Variants in ST6GAL1 observed in about 807,000 individuals in gnomAD.
ST6GAL1 encodes the protein beta-galactoside alpha-2,6-sialyltransferase 1.
A neutral mutation model predicts 38.0 loss-of-function variants in ST6GAL1; 20 were observed. The ratio of observed to expected loss-of-function variants is 0.53; its 90% CI spans 0.37 to 0.77. The LOEUF (loss-of-function observed/expected upper bound fraction) is 0.77, where lower values mean the gene tolerates loss of function less well. ST6GAL1 is among the 30% of genes least tolerant of loss of function. The probability of loss-of-function intolerance (pLI) is 0.00; values close to 1 mark genes in which losing one functional copy is unlikely to be tolerated. For synonymous variants in ST6GAL1, 196 were observed against 188.2 expected, an observed-to-expected ratio of 1.04 and a Z score of -0.34; for missense variants, 432 against 496.4, an observed-to-expected ratio of 0.87 and a Z score of 1.23.
intron 2 of ST6GAL1, among the ~76,000 whole-genome samples, chr3:187,022,619 T>C (rs542930088): frequency 1.3e-5 from 2 of 152,256 alleles, no homozygotes; most frequent in Admixed American, 6.5e-5. Context: ...GAATCTCTCC[T>C]AGATCTGGGA....
chr3:186,988,673 G>A (rs1050597542), intron 2 of ST6GAL1, among the ~76,000 whole-genome samples: 4 of 152,028 alleles, frequency 2.6e-5, no homozygotes, highest in Non-Finnish European at 5.9e-5. Context: ...AGCACTTTGG[G>A]AGGCTGAGGT....
intron 1 of ST6GAL1, among the ~76,000 whole-genome samples, chr3:186,963,160 T>C (rs1277613072): frequency 6.6e-6 from 1 of 152,160 alleles, no homozygotes; most frequent in Non-Finnish European, 1.5e-5. Flanking sequence ...TAATAATATA[T>C]GGGTTGAAAA....
chr3:187,064,372 C>T, intron 5 of ST6GAL1: 1 of 381,454 alleles, frequency 2.6e-6, no homozygotes, highest in Non-Finnish European at 5.3e-6. Context: ...CAGCATCCTG[C>T]CCAGTAGGCA....
chr3:186,977,932 G>A (rs1024074170), intron 2 of ST6GAL1, among the ~76,000 whole-genome samples: 5 of 152,128 alleles, frequency 3.3e-5, no homozygotes, highest in South Asian at 2.1e-4. Flanking sequence ...AAACAGTCTC[G>A]GCCGGGCGTG....
chr3:187,051,229 T>G lies in ST6GAL1; in HGVS notation c.608-20T>G. ...TTGCCAGTGCTCATCACCTCTTTTCTGTTTCTTTGTGGTTTATAGATGATC... is the reference window on the plus strand; with the variant it reads ...TTGCCAGTGCTCATCACCTCTTTTCGGTTTCTTTGTGGTTTATAGATGATC... On this transcript the variant is annotated intron_variant, in intron 4 of 7. Coordinates refer to ENST00000169298, the MANE Select transcript of ST6GAL1 (RefSeq NM_173216.2). 3 of 1,611,460 alleles carry G rather than the reference T, an allele frequency of 1.9e-6. No individual in the cohort carries two copies. The highest frequency in any genetic ancestry group is 1.7e-6 in the Non-Finnish European group (2 of 1,177,664).
chr3:187,014,562 A>G (rs1717059628), intron 2 of ST6GAL1, among the ~76,000 whole-genome samples: 1 of 152,118 alleles, frequency 6.6e-6, no homozygotes, highest in African/African-American at 2.4e-5. Context: ...TGCTTCTTAC[A>G]TCTCCATCCT....
intron 2 of ST6GAL1, among the ~76,000 whole-genome samples, chr3:186,993,819 C>T (rs932502134): frequency 8.5e-5 from 13 of 152,196 alleles, no homozygotes; most frequent in South Asian, 2.1e-4. Context: ...CAACCCACAG[C>T]ATTACTCAGA....
chr3:187,001,189 C>T (rs912176422), intron 2 of ST6GAL1, among the ~76,000 whole-genome samples: 4 of 152,152 alleles, frequency 2.6e-5, no homozygotes, highest in East Asian at 3.8e-4. Context: ...TGTTCCTACC[C>T]GAACCCTGGA....
At chr3:187,023,744 G>A (rs928113563) in intron 2 of ST6GAL1, among the ~76,000 whole-genome samples, 1 of 151,998 alleles carries the variant, frequency 6.6e-6, no homozygotes, top group Non-Finnish European at 1.5e-5. Flanking sequence ...TGGGGTGGGG[G>A]GAACGGGGAG....
chr3:186,998,193 T>A (rs1284957777), intron 2 of ST6GAL1, among the ~76,000 whole-genome samples: 2 of 152,190 alleles, frequency 1.3e-5, no homozygotes, highest in Non-Finnish European at 2.9e-5. Context: ...CCCTGTGCAG[T>A]TGAAAGTCCA....
intron 2 of ST6GAL1, among the ~76,000 whole-genome samples, chr3:187,026,424 G>A (rs1325031523): frequency 6.6e-6 from 1 of 152,066 alleles, no homozygotes; most frequent in South Asian, 2.1e-4. Context: ...GACCTTTACT[G>A]CCTGTAAATT....
intron 1 of ST6GAL1, among the ~76,000 whole-genome samples, chr3:186,946,745 A>G (rs1465002989): frequency 6.6e-6 from 1 of 152,168 alleles, no homozygotes; most frequent in Non-Finnish European, 1.5e-5. Flanking sequence ...TAAATAATGA[A>G]CTAGTCTTAC....
At chr3:187,014,493 T>C (rs1158730938) in intron 2 of ST6GAL1, among the ~76,000 whole-genome samples, 1 of 152,192 alleles carries the variant, frequency 6.6e-6, no homozygotes, top group Non-Finnish European at 1.5e-5. Flanking sequence ...AGGCCAGCAC[T>C]GGGGTGAGGT....
rs77086679 is a variant in ST6GAL1, at chr3:186,958,091, T to C, written c.-324-5694T>C. On this transcript the variant is annotated intron_variant, in intron 1 of 7. Transcript: ENST00000169298. ...GATTAGTACATAATGGTATATTTAG[T>C]GTACTGTGATGAGTTTTATAGTTTT... 9.9e-5 allele frequency among the ~76,000 whole-genome samples: 15 copies of C among 151,656 alleles called. No homozygotes were observed. The East Asian group carries it at 2.9e-3, about 29-fold the overall frequency.
intron 1 of ST6GAL1, among the ~76,000 whole-genome samples, chr3:186,960,091 G>A (rs1346669243): frequency 6.6e-6 from 1 of 152,172 alleles, no homozygotes; most frequent in African/African-American, 2.4e-5. Context: ...GGGTTCCTTG[G>A]TTCCTGGTGA....
rs548946911 is a variant in ST6GAL1 at position 187,077,510 on chromosome 3, A to C, written c.*1707A>C. 25 of 152,386 alleles carry C rather than the reference A, an allele frequency of 1.6e-4. No individual in the cohort carries two copies. Among genetic ancestry groups the C allele is most frequent in the African/African-American group, 5.8e-4 (24 of 41,446 alleles). The allele number at this position is 152,386 out of a possible 1,614,324, so 9.4% of individuals were successfully genotyped here. A position where few individuals can be genotyped will look rare whatever the true frequency, so the allele number is the denominator to read the frequency against. On this transcript the variant is annotated 3_prime_UTR_variant, in exon 8 of 8. Coordinates refer to ENST00000169298, the MANE Select transcript of ST6GAL1 (RefSeq NM_173216.2). ...AAACCCTCAGCTTATGTAGCTAGAA[A>C]GGGCCCTGGAGTGAGAAAGCCTGGA...
chr3:187,053,651 C>T (rs925347120), intron 5 of ST6GAL1, among the ~76,000 whole-genome samples: 4 of 152,014 alleles, frequency 2.6e-5, no homozygotes, highest in South Asian at 2.1e-4. Context: ...CTGTTCTATT[C>T]GTCTATATAT....
At chr3:186,966,953 G>A (rs1284759908) in intron 2 of ST6GAL1, among the ~76,000 whole-genome samples, 2 of 152,232 alleles carry the variant, frequency 1.3e-5, no homozygotes, top group Admixed American at 1.3e-4. Flanking sequence ...AGCCTACTAT[G>A]TGCCCTGCCA....
In ST6GAL1 at chr3:187,021,596, C is replaced by T. The variant is rs142052928; in HGVS notation, c.-182-17146C>T. ...CTCTACTAAAAATAGAAAAATTAGC[C>T]GGGTGTGATGGTGGGCGCCTGTAAT... On this transcript the variant is annotated intron_variant, in intron 2 of 7. Transcript: ENST00000169298. 2.0e-5 allele frequency among the ~76,000 whole-genome samples: 3 copies of T among 151,474 alleles called. No homozygotes were observed. In the East Asian group the frequency reaches 5.9e-4, roughly 30 times the overall value.
Sources: allele counts gnomAD v4.1 joint callset (sites outside exome capture counted in the v4.1 genomes callset), GRCh38; gene constraint gnomAD v4.1.1; transcripts MANE v1.5; gene names NCBI Gene and HGNC (gene_info 2026-07-23, HGNC 2026-07-21).